The following GLI2 variants were observed in gnomAD, a reference collection of about 807,000 sequenced individuals.
The protein encoded by GLI2 is transcription activator GLI2.
A neutral mutation model predicts 78.9 loss-of-function variants in GLI2; 22 were observed. The observed-to-expected ratio is 0.28, with a 90% CI of 0.20 to 0.40. GLI2 has a LOEUF of 0.40. Among genes scored for constraint, GLI2 ranks in the 10% least tolerant of loss-of-function variants. GLI2 has a pLI of 1.00. For synonymous variants in GLI2, 974 were observed against 963.7 expected, an observed-to-expected ratio of 1.01 and a Z score of -0.20; for missense variants, 2,097 against 2,213.2, an observed-to-expected ratio of 0.95 and a Z score of 1.05.
At chr2:120,854,037 G>T (rs1687530200) in intron 2 of GLI2, among the ~76,000 whole-genome samples, 1 of 93,890 alleles carries the variant, frequency 1.1e-5, no homozygotes, top group African/African-American at 5.6e-5. Flanking sequence ...AACACCTATT[G>T]TGTATCGGGG....
intron 2 of GLI2, among the ~76,000 whole-genome samples, chr2:120,926,736 G>A (rs902988611): frequency 3.9e-5 from 6 of 152,216 alleles, no homozygotes; most frequent in Admixed American, 2.0e-4. Context: ...ACGTGCTGGC[G>A]TTTTCGATCC....
chr2:120,894,330 G>A (rs371529012), intron 2 of GLI2, among the ~76,000 whole-genome samples: 2 of 151,924 alleles, frequency 1.3e-5, no homozygotes, highest in East Asian at 3.9e-4. Context: ...AAGGATAGCT[G>A]CCTGGGGCCC....
chr2:120,986,461 G>A lies in GLI2; in HGVS notation c.2089G>A (p.Ala697Thr), dbSNP rs553780090. 84 of 1,613,986 alleles carry A rather than the reference G, an allele frequency of 5.2e-5. No homozygotes were observed. Among genetic ancestry groups the A allele is most frequent in the East Asian group, 4.0e-4 (18 of 44,868 alleles). The change falls in exon 13 of 14, where the codon GCT becomes ACT. Residue 697 changes from alanine (A) to threonine (T), a missense_variant. Ala to Thr is a moderately conservative substitution (Grantham distance 58). Around this residue, in one of 5 missense-constraint regions of GLI2, gnomAD observed 1,290 missense variants for 1,261.7 expected, o/e 1.02. Transcript: ENST00000361492. ...ADTSALAAPS[A>T]GGLQLRKHMT... ...CACCTCAGCCCTGGCTGCCCCCTCC[G>A]CTGGTGGCCTCCAGCTGCGCAAACA... is the stretch of plus-strand genomic sequence containing the variant.
chr2:120,808,436 A>G (rs1685064650), intron 2 of GLI2, among the ~76,000 whole-genome samples: 2 of 152,180 alleles, frequency 1.3e-5, no homozygotes, highest in Non-Finnish European at 2.9e-5. Context: ...GATCAGCTGG[A>G]GAGGGCCAGG....
At chr2:120,826,205 G>A (rs1289218949) in intron 2 of GLI2, among the ~76,000 whole-genome samples, 2 of 152,228 alleles carry the variant, frequency 1.3e-5, no homozygotes, top group East Asian at 3.8e-4. Flanking sequence ...GAGAGAGGGA[G>A]AGAGGGGAGA....
At chr2:120,983,195 C>T (rs1177134751) in intron 11 of GLI2, among the ~76,000 whole-genome samples, 3 of 152,092 alleles carry the variant, frequency 2.0e-5, no homozygotes, top group South Asian at 2.1e-4. Context: ...ATGAGGTCCT[C>T]GAGAGTTGAA....
At chr2:120,837,088 A>G (rs1573456093) in intron 2 of GLI2, among the ~76,000 whole-genome samples, 1 of 152,164 alleles carries the variant, frequency 6.6e-6, no homozygotes, top group South Asian at 2.1e-4. Context: ...TTTAAGAGAT[A>G]CTAATCTTAA....
intron 2 of GLI2, among the ~76,000 whole-genome samples, chr2:120,818,201 GT>G (rs1685594207): frequency 2.0e-5 from 3 of 152,340 alleles, no homozygotes; most frequent in Admixed American, 1.3e-4. Context: ...TCCCCGAGGG[GT>G]GGCAGTGCCT....
rs113407742 is a variant in GLI2, at chr2:120,984,585, C to T, written c.1747C>T (p.Arg583Cys). The T allele has an allele frequency of 2.4e-5, 38 of 1,614,110 alleles. No homozygotes were observed. Among genetic ancestry groups the T allele is most frequent in the Non-Finnish European group, 2.8e-5 (33 of 1,180,046 alleles). Residue 583 changes from arginine (R) to cysteine (C), a missense_variant, in exon 12 of 14, where the codon CGC becomes TGC. Arg to Cys is a radical substitution (Grantham distance 180). Coordinates refer to ENST00000361492, the MANE Select transcript of GLI2 (RefSeq NM_001374353.1). ...GPDAHVTKKQ[R>C]NDVHLRTPLL... ...AGATGCCCACGTCACCAAGAAGCAG[C>T]GCAATGACGTGCACCTCCGCACACC...
intron 3 of GLI2, among the ~76,000 whole-genome samples, chr2:120,947,575 C>T (rs1343185193): frequency 6.6e-6 from 1 of 152,074 alleles, no homozygotes; most frequent in Non-Finnish European, 1.5e-5. Context: ...GTATTGTGTG[C>T]CCTGGGTTTC....
intron 3 of GLI2, among the ~76,000 whole-genome samples, chr2:120,949,973 G>A (rs778490797): frequency 1.5e-4 from 23 of 152,192 alleles, no homozygotes; most frequent in Non-Finnish European, 2.2e-4. Flanking sequence ...CCTTTCACAC[G>A]TCCAGCATCA....
intron 11 of GLI2, 97 bp from the exon 12 acceptor site, chr2:120,984,374 T>G: frequency 1.5e-6 from 2 of 1,319,128 alleles, no homozygotes; most frequent in South Asian, 1.2e-5. Context: ...TGGGCTCTGC[T>G]GAGGGGCGTG....
In GLI2 at chr2:120,989,085, G is replaced by GGACGACCTGGTGCTTCCAGAC. The variant is rs1683143114; in HGVS notation, c.3125_3145dup (p.Asp1042_Asp1048dup). 6.2e-7 allele frequency: 1 copy of GGACGACCTGGTGCTTCCAGAC among 1,612,148 alleles called. No homozygotes were observed. The highest frequency in any genetic ancestry group is 8.5e-7 in the Non-Finnish European group (1 of 1,179,872). ...CCGAGGCCGACCTGGGGCTGCCGGA[G>GGACGACCTGGTGCTTCCAGAC]GACGACCTGGTGCTTCCAGACGACG... is the stretch of plus-strand genomic sequence containing the variant. On this transcript the variant is annotated inframe_insertion, in exon 14 of 14. Coordinates refer to ENST00000361492, the MANE Select transcript of GLI2 (RefSeq NM_001374353.1).
At chr2:120,871,808 G>A (rs1395263089) in intron 2 of GLI2, among the ~76,000 whole-genome samples, 1 of 152,158 alleles carries the variant, frequency 6.6e-6, no homozygotes, top group Non-Finnish European at 1.5e-5. Flanking sequence ...TTTATTATAA[G>A]AGTAAATGAG....
intron 3 of GLI2, among the ~76,000 whole-genome samples, chr2:120,935,782 G>A (rs1680168511): frequency 6.6e-6 from 1 of 152,174 alleles, no homozygotes; most frequent in Non-Finnish European, 1.5e-5. Context: ...GCACTCGCTG[G>A]GCTGCGTGGG....
intron 1 of GLI2, among the ~76,000 whole-genome samples, chr2:120,777,121 G>A (rs533475166): frequency 6.6e-6 from 1 of 150,556 alleles, no homozygotes; most frequent in South Asian, 2.1e-4. Flanking sequence ...TATGATGTGA[G>A]AGTGGATGAA....
rs776730340 is a variant in GLI2, at chr2:120,989,334, T to A, written c.3369T>A (p.Asn1123Lys). 6.2e-7 allele frequency: 1 copy of A among 1,612,868 alleles called. No homozygotes were observed. Among genetic ancestry groups the A allele is most frequent in the Non-Finnish European group, 8.5e-7 (1 of 1,179,990 alleles). ...GGGCGCCCTCCAGCCTGAACAAAAA[T>A]AACATGCCTGTGCAGTGGAATGAGG... Reference protein sequence around the residue: ...GFGAPSSLNKNNMPVQWNEVS... With the variant: ...GFGAPSSLNKKNMPVQWNEVS... Residue 1123 changes from asparagine (N) to lysine (K), a missense_variant, in exon 14 of 14, where the codon AAT becomes AAA. Around this residue, in one of 5 missense-constraint regions of GLI2, gnomAD observed 1,290 missense variants for 1,261.7 expected, o/e 1.02. Transcript: ENST00000361492.
At chr2:120,905,217 G>T (rs1415463863) in intron 2 of GLI2, among the ~76,000 whole-genome samples, 6 of 152,136 alleles carry the variant, frequency 3.9e-5, no homozygotes, top group Non-Finnish European at 8.8e-5. Context: ...AAGAAGAAGG[G>T]AGGGAGGGAG....
intron 2 of GLI2, among the ~76,000 whole-genome samples, chr2:120,889,114 A>C (rs1474010454): frequency 1.3e-5 from 2 of 152,204 alleles, no homozygotes; most frequent in African/African-American, 2.4e-5. Flanking sequence ...TGGTCCTCCG[A>C]AAGAAGTGCG....
Sources: allele counts gnomAD v4.1 joint callset (sites outside exome capture counted in the v4.1 genomes callset), GRCh38; gene constraint gnomAD v4.1.1; regional missense constraint gnomAD v4.1.1; transcripts MANE v1.5; gene names NCBI Gene and HGNC (gene_info 2026-07-23, HGNC 2026-07-21).